The following PRKAR2A variants were observed in gnomAD, a reference collection of about 807,000 sequenced individuals.
The protein encoded by PRKAR2A is cAMP-dependent protein kinase type II-alpha regulatory subunit.
Under a neutral mutation model 51.9 loss-of-function variants are expected in PRKAR2A, and 29 were observed. That is an observed-to-expected ratio of 0.56 (90% CI 0.42 to 0.76). The LOEUF is 0.76. Among genes scored for constraint, PRKAR2A ranks in the 30% least tolerant of loss-of-function variants. PRKAR2A has a pLI of 0.00. For synonymous variants in PRKAR2A, 178 were observed against 186.2 expected, an observed-to-expected ratio of 0.96 and a Z score of 0.36; for missense variants, 445 against 512.1, an observed-to-expected ratio of 0.87 and a Z score of 1.26.
At chr3:48,829,006 T>C (rs571726957) in intron 1 of PRKAR2A, among the ~76,000 whole-genome samples, 1 of 151,874 alleles carries the variant, frequency 6.6e-6, no homozygotes, top group African/African-American at 2.4e-5. Flanking sequence ...GCTAATTTTT[T>C]ATATTTTTTG....
chr3:48,827,551 A>T (rs560194331), intron 1 of PRKAR2A, among the ~76,000 whole-genome samples: 2 of 152,342 alleles, frequency 1.3e-5, no homozygotes, highest in South Asian at 4.1e-4. Flanking sequence ...TAGATGGTAC[A>T]GCCTACAACA....
rs549211150 is a variant in PRKAR2A, at chr3:48,783,075, A to C, written c.453T>G (p.Val151=). The part of the protein sequence containing the change: ...KNLDQEQLSQ[V]LDAMFERIVK... ...CTATCCTTTCAAACATGGCATCGAG[A>C]ACTTGAGAAAGCTGTTCCTGCAGGG... Residue 151 remains valine, a synonymous_variant, in exon 5 of 11, where the codon GTT becomes GTG. Transcript: ENST00000265563. The C allele has an allele frequency of 7.3e-5, 117 of 1,613,166 alleles. 1 individual carries two copies. In the South Asian group the frequency reaches 1.1e-3, roughly 16 times the overall value.
chr3:48,759,448 G>A (rs983260841), intron 8 of PRKAR2A, among the ~76,000 whole-genome samples: 4 of 150,648 alleles, frequency 2.7e-5, no homozygotes, highest in Non-Finnish European at 5.9e-5. Context: ...GCGCAATGGC[G>A]CGATCTTGGC....
In PRKAR2A at chr3:48,826,368, G is replaced by A. The variant is rs926371875; in HGVS notation, c.263-18684C>T. Among the ~76,000 whole-genome samples the A allele has an allele frequency of 5.3e-5, 8 of 152,296 alleles. 1 individual carries two copies. The highest frequency in any genetic ancestry group is 5.2e-4 in the Admixed American group (8 of 15,278). On this transcript the variant is annotated intron_variant, in intron 1 of 10. Transcript: ENST00000265563. The stretch of plus-strand genomic sequence containing the variant: ...TTTACAATTATAGTTTTATTATAAA[G>A]GATACAAATTTGGGCCAGTGAAATG...
chr3:48,749,819 A>ATGCCTG lies in PRKAR2A; in HGVS notation c.*1760_*1765dup, dbSNP rs1292608361. The ATGCCTG allele has an allele frequency of 6.6e-6, 1 of 152,046 alleles. No individual in the cohort carries two copies. The highest frequency in any genetic ancestry group is 1.5e-5 in the Non-Finnish European group (1 of 68,000). 9.4% of individuals were successfully genotyped at this position (152,046 alleles called of 1,614,324 possible). On this transcript the variant is annotated 3_prime_UTR_variant, in exon 11 of 11. Coordinates refer to ENST00000265563, the MANE Select transcript of PRKAR2A (RefSeq NM_004157.4). ...AAAACAGATTTGATCTTTAGGGTAA[A>ATGCCTG]TGCCTGAGTCAGCTGACAAACTCCA... is the stretch of plus-strand genomic sequence containing the variant.
At chr3:48,808,621 G>A (rs1277302430) in intron 1 of PRKAR2A, among the ~76,000 whole-genome samples, 6 of 73,600 alleles carry the variant, frequency 8.2e-5, no homozygotes, top group African/African-American at 3.4e-4. Context: ...CAGGTGATCC[G>A]CCTGCCTCAG....
rs1202226094 is a variant in PRKAR2A, at chr3:48,749,074, G to T, written c.*2511C>A. On this transcript the variant is annotated 3_prime_UTR_variant, in exon 11 of 11. Coordinates refer to ENST00000265563, the MANE Select transcript of PRKAR2A (RefSeq NM_004157.4). ...TGTGGATAGTTGAAGGTGACTGTGT[G>T]GGCCATCATTATCTACAATAGAAAT... is the stretch of plus-strand genomic sequence containing the variant. 6.6e-6 allele frequency: 1 copy of T among 152,128 alleles called. No homozygotes were observed. 9.4% of individuals were successfully genotyped at this position (152,128 alleles called of 1,614,324 possible).
chr3:48,804,002 T>C (rs1176355492), intron 2 of PRKAR2A, among the ~76,000 whole-genome samples: 5 of 152,076 alleles, frequency 3.3e-5, no homozygotes, highest in Non-Finnish European at 5.9e-5. Flanking sequence ...GAATATAGCA[T>C]GATTGCTGGT....
At chr3:48,838,956 C>A (rs1302892338) in intron 1 of PRKAR2A, among the ~76,000 whole-genome samples, 2 of 151,064 alleles carry the variant, frequency 1.3e-5, no homozygotes, top group Admixed American at 1.3e-4. Flanking sequence ...TGCACTCCAG[C>A]CTGGGCGACA....
intron 5 of PRKAR2A, among the ~76,000 whole-genome samples, chr3:48,778,040 T>C (rs116048048): frequency 2.2e-4 from 33 of 152,350 alleles, no homozygotes; most frequent in African/African-American, 7.2e-4. Flanking sequence ...ATGGGGCATA[T>C]GTTTTTATCA....
At chr3:48,765,673 G>T (rs555621250) in intron 6 of PRKAR2A, among the ~76,000 whole-genome samples, 2 of 129,208 alleles carry the variant, frequency 1.5e-5, no homozygotes, top group South Asian at 5.4e-4. Flanking sequence ...CTAGTGAGCC[G>T]AGATCATGTC....
Position 48,847,459 on chromosome 3 carries a change from T to G in PRKAR2A, c.138A>C (p.Pro46=), listed in dbSNP as rs2083487092. 1 of 1,572,650 alleles carries G rather than the reference T, an allele frequency of 6.4e-7. No individual in the cohort carries two copies. Among genetic ancestry groups the G allele is most frequent in the African/African-American group, 1.4e-5 (1 of 73,746 alleles). ...GGGTGGCGGCGGGCAGGACTGAGGC[T>G]GGGGCGCGGGCCTCGCGCAGGCGGG... ...YFTRLREARA[P]ASVLPAATPR... Residue 46 remains proline (P), a synonymous_variant, in exon 1 of 11, where the codon CCA becomes CCC. Transcript: ENST00000265563. This position sits in a 1 kb window ranked among gnomAD's most constrained non-coding sequence, Gnocchi z 4.4.
chr3:48,777,680 C>G (rs1414206125), intron 5 of PRKAR2A, among the ~76,000 whole-genome samples: 1 of 152,202 alleles, frequency 6.6e-6, no homozygotes, highest in African/African-American at 2.4e-5. Flanking sequence ...GCTGGGATTA[C>G]AAGTGTGAGG....
At chr3:48,822,399 G>A (rs1163573980) in intron 1 of PRKAR2A, among the ~76,000 whole-genome samples, 4 of 151,778 alleles carry the variant, frequency 2.6e-5, no homozygotes, top group Non-Finnish European at 4.4e-5. Context: ...ATTTCAAATT[G>A]ATAGAACACC....
chr3:48,826,622 C>G (rs1372018751), intron 1 of PRKAR2A, among the ~76,000 whole-genome samples: 2 of 152,158 alleles, frequency 1.3e-5, no homozygotes, highest in African/African-American at 2.4e-5. Context: ...TAGACTTCCT[C>G]AAGCATCAGC....
chr3:48,791,563 T>C (rs2082386654), intron 3 of PRKAR2A, among the ~76,000 whole-genome samples: 1 of 114,198 alleles, frequency 8.8e-6, no homozygotes. Context: ...CACTGCACTG[T>C]AGCCTGGCGA....
At chr3:48,766,292 G>A (rs1377412679) in intron 6 of PRKAR2A, among the ~76,000 whole-genome samples, 1 of 151,862 alleles carries the variant, frequency 6.6e-6, no homozygotes, top group Non-Finnish European at 1.5e-5. Context: ...TCAAGGACAG[G>A]TGCAGTGGCT....
intron 4 of PRKAR2A, among the ~76,000 whole-genome samples, chr3:48,784,927 CTT>C (rs2082264061): frequency 6.6e-6 from 1 of 152,098 alleles, no homozygotes; most frequent in Non-Finnish European, 1.5e-5. Flanking sequence ...TAGGTGAAGA[CTT>C]ATTGTATGTG....
chr3:48,778,863 T>C (rs996882730), intron 5 of PRKAR2A, among the ~76,000 whole-genome samples: 1 of 145,372 alleles, frequency 6.9e-6, no homozygotes, highest in African/African-American at 2.6e-5. Flanking sequence ...TTCACTATTG[T>C]TGCCCAGGCT....
Sources: gnomAD v4.1 joint callset for allele counts (sites outside exome capture counted in the v4.1 genomes callset) on GRCh38, gnomAD v4.1.1 for gene constraint, Gnocchi (gnomAD v3.1) non-coding constraint, MANE v1.5 for transcripts, NCBI Gene and HGNC (gene_info 2026-07-23, HGNC 2026-07-21) for gene names.